NFIA: variants seen among roughly 807,000 people sequenced by gnomAD.
NFIA encodes the protein nuclear factor I A, also known as nuclear factor 1 A-type.
NFIA carries 8 observed loss-of-function variants against 62.8 expected under a neutral mutation model. The ratio of observed to expected loss-of-function variants is 0.13; its 90% CI spans 0.07 to 0.23. The LOEUF is 0.23. NFIA is among the 10% of genes least tolerant of loss of function. The pLI, the probability that NFIA is intolerant of heterozygous loss-of-function variation, is 1.00. For synonymous variants in NFIA, 235 were observed against 238.1 expected (o/e 0.99, Z 0.12); for missense variants, 410 against 642.1 (o/e 0.64, Z 3.91).
At chr1:61,376,872 T>C (rs1445385722) in intron 6 of NFIA, among the ~76,000 whole-genome samples, 2 of 152,096 alleles carry the variant, frequency 1.3e-5, no homozygotes, top group East Asian at 1.9e-4. Flanking sequence ...TTCTGTAATA[T>C]TAAGTTATTG....
At chr1:61,257,885 CTT>C (rs58230415) in intron 2 of NFIA, among the ~76,000 whole-genome samples, 1 of 115,424 alleles carries the variant, frequency 8.7e-6, no homozygotes, top group South Asian at 3.0e-4. Context: ...TTCTTTTTTT[CTT>C]TTTTTTTTTT....
chr1:61,414,536 G>GT (rs1224321705), intron 9 of NFIA, among the ~76,000 whole-genome samples: 6 of 81,816 alleles, frequency 7.3e-5, no homozygotes, highest in East Asian at 1.9e-3. Flanking sequence ...TTGGTTTTTT[G>GT]TTTTGTTTTT....
chr1:61,089,479 G>A (rs1646278187), intron 2 of NFIA, among the ~76,000 whole-genome samples: 1 of 152,026 alleles, frequency 6.6e-6, no homozygotes, highest in Non-Finnish European at 1.5e-5. Context: ...ATAAAATAAT[G>A]CATTTTTACT....
At chr1:61,319,790 AACAC>A (rs58845526) in intron 3 of NFIA, among the ~76,000 whole-genome samples, 3,178 of 139,542 alleles carry the variant, frequency 0.023, 66 homozygotes, top group African/African-American at 0.063. Flanking sequence ...GGAAGAATTA[AACAC>A]ACACACACAC....
chr1:61,367,316 A>G (rs1284880380), intron 6 of NFIA, among the ~76,000 whole-genome samples: 2 of 152,234 alleles, frequency 1.3e-5, no homozygotes, highest in Non-Finnish European at 2.9e-5. Context: ...TGGTAACAAT[A>G]GTGCTTTGAT....
intron 2 of NFIA, among the ~76,000 whole-genome samples, chr1:61,197,312 C>G (rs1353486222): frequency 7.0e-6 from 1 of 142,102 alleles, no homozygotes; most frequent in Non-Finnish European, 1.5e-5. Context: ...GATCTCGGCT[C>G]ACTGCAACCT....
chr1:61,276,251 G>C (rs531062923), intron 2 of NFIA, among the ~76,000 whole-genome samples: 17 of 152,238 alleles, frequency 1.1e-4, no homozygotes, highest in African/African-American at 3.4e-4. Context: ...TAAAAGCAGG[G>C]AGTCTTTTAA....
At chr1:61,363,519 G>A (rs1027671984) in intron 6 of NFIA, among the ~76,000 whole-genome samples, 1 of 151,800 alleles carries the variant, frequency 6.6e-6, no homozygotes, top group Non-Finnish European at 1.5e-5. Context: ...CAGGAGAATT[G>A]GTTGAACCTG....
chr1:61,139,058 A>C (rs1647307281), intron 2 of NFIA, among the ~76,000 whole-genome samples: 1 of 151,954 alleles, frequency 6.6e-6, no homozygotes, highest in Admixed American at 6.6e-5. Flanking sequence ...GGTGCCTGTA[A>C]TCCCAGCTAC....
At chr1:61,202,198 G>A (rs1652549133) in intron 2 of NFIA, among the ~76,000 whole-genome samples, 1 of 152,122 alleles carries the variant, frequency 6.6e-6, no homozygotes, top group South Asian at 2.1e-4. Flanking sequence ...TCCCTATAGT[G>A]TAATTATGGT....
chr1:61,149,420 A>G (rs892573352), intron 2 of NFIA, among the ~76,000 whole-genome samples: 6 of 152,212 alleles, frequency 3.9e-5, no homozygotes, highest in African/African-American at 1.4e-4. Context: ...GCTTTTGCTA[A>G]GACTGACTCA....
intron 9 of NFIA, among the ~76,000 whole-genome samples, chr1:61,414,541 G>GTT (rs34699827): frequency 0.012 from 1,830 of 146,604 alleles, 27 homozygotes; most frequent in East Asian, 0.034. Flanking sequence ...TTTTTGTTTT[G>GTT]TTTTTTTTTT....
At chr1:61,397,814 A>G (rs559442877) in intron 7 of NFIA, among the ~76,000 whole-genome samples, 51 of 152,332 alleles carry the variant, frequency 3.3e-4, no homozygotes, top group African/African-American at 1.2e-3. Flanking sequence ...TCTGAGTCGT[A>G]TGTTTAACTT....
intron 2 of NFIA, among the ~76,000 whole-genome samples, chr1:61,162,011 T>C (rs374715075): frequency 2.0e-5 from 3 of 152,352 alleles, no homozygotes; most frequent in East Asian, 1.9e-4. Context: ...TCTGTAGTTA[T>C]GAAGGACCTC....
rs1000604747 is a variant in NFIA at position 61,288,161 on chromosome 1, T to C, written c.625+10576T>C. Among the ~76,000 whole-genome samples, 14 of 152,336 alleles carry C rather than the reference T, an allele frequency of 9.2e-5. No homozygotes were observed. The East Asian group carries it at 2.7e-3, about 29-fold the overall frequency. On this transcript the variant is annotated intron_variant, in intron 3 of 10. Transcript: ENST00000403491. Reference sequence around the variant, plus strand: ...AATTGAGTAAGCCACTGCGACACTGTGTGAGCCCATACATCCAGTTACTGG... The same window carrying C: ...AATTGAGTAAGCCACTGCGACACTGCGTGAGCCCATACATCCAGTTACTGG...
intron 4 of NFIA, among the ~76,000 whole-genome samples, chr1:61,343,481 C>T (rs1365268182): frequency 1.3e-5 from 2 of 152,162 alleles, no homozygotes; most frequent in African/African-American, 2.4e-5. Flanking sequence ...TCTGTGTTAG[C>T]GGATGCCTTT....
At chr1:61,289,783 G>T (rs1282126910) in intron 3 of NFIA, among the ~76,000 whole-genome samples, 1 of 151,880 alleles carries the variant, frequency 6.6e-6, no homozygotes, top group Non-Finnish European at 1.5e-5. Flanking sequence ...ATCTTCCCAG[G>T]TATCTGCCTC....
At chr1:61,226,648 C>CTTTTTA (rs774423279) in intron 2 of NFIA, among the ~76,000 whole-genome samples, 14 of 152,162 alleles carry the variant, frequency 9.2e-5, no homozygotes, top group South Asian at 2.1e-4. Flanking sequence ...CCCCTCCCAT[C>CTTTTTA]TTTTTATTTT....
intron 4 of NFIA, among the ~76,000 whole-genome samples, chr1:61,349,171 G>A (rs1036526881): frequency 3.3e-5 from 5 of 152,014 alleles, no homozygotes; most frequent in Admixed American, 2.6e-4. Context: ...AAGCAAATTA[G>A]GGAATGACTA....
Sources: gnomAD v4.1 joint callset for allele counts (sites outside exome capture counted in the v4.1 genomes callset) on GRCh38, gnomAD v4.1.1 for gene constraint, MANE v1.5 for transcripts, NCBI Gene and HGNC (gene_info 2026-07-23, HGNC 2026-07-21) for gene names.